Variants in TMEM65 observed in about 807,000 individuals in gnomAD.
The protein encoded by TMEM65 is transmembrane protein 65.
A neutral mutation model predicts 25.4 loss-of-function variants in TMEM65; 22 were observed. That is an observed-to-expected ratio of 0.86 (90% CI 0.62 to 1.23). TMEM65 has a LOEUF of 1.23. TMEM65 is among the 50% of genes most tolerant of loss of function. The pLI is 0.00. For synonymous variants in TMEM65, 132 were observed against 126.2 expected (o/e 1.05, Z -0.31); for missense variants, 262 against 308.2 (o/e 0.85, Z 1.12).
At chr8:124,361,533 A>T (rs966155928) in intron 1 of TMEM65, among the ~76,000 whole-genome samples, 20 of 151,472 alleles carry the variant, frequency 1.3e-4, no homozygotes, top group African/African-American at 2.2e-4. Context: ...CAGAGTGTTT[A>T]AAAAAAAGCA....
Position 124,330,949 on chromosome 8 carries a change from A to C in TMEM65, c.305-157T>G, listed in dbSNP as rs146519709. ...GTTAAGGGACCACATTTGTCCATAC[A>C]GAAAATATTAATCAGTATGGATTAA... On this transcript the variant is annotated intron_variant, in intron 1 of 6. Transcript: ENST00000297632. Among the ~76,000 whole-genome samples, 1,306 of 152,132 alleles carry C rather than the reference A, an allele frequency of 8.6e-3. 18 individuals carry two copies. The highest frequency in any genetic ancestry group is 0.028 in the African/African-American group (1,182 of 41,564).
At chr8:124,334,877 T>TA (rs1366524312) in intron 1 of TMEM65, among the ~76,000 whole-genome samples, 1 of 148,084 alleles carries the variant, frequency 6.8e-6, no homozygotes, top group East Asian at 2.0e-4. Flanking sequence ...GTCAGATCAA[T>TA]AAAAATTATT....
intron 6 of TMEM65, among the ~76,000 whole-genome samples, chr8:124,319,229 T>C (rs1162656902): frequency 1.3e-5 from 2 of 152,142 alleles, no homozygotes; most frequent in African/African-American, 4.8e-5. Flanking sequence ...CCTATTAGTA[T>C]CTCAAATTCA....
intron 1 of TMEM65, among the ~76,000 whole-genome samples, chr8:124,359,252 A>C (rs1202237186): frequency 6.6e-6 from 1 of 152,222 alleles, no homozygotes; most frequent in Non-Finnish European, 1.5e-5. Flanking sequence ...TTTCTGAAGA[A>C]CTGAGTACTC....
chr8:124,365,747 G>T (rs986128052), intron 1 of TMEM65, among the ~76,000 whole-genome samples: 1 of 152,134 alleles, frequency 6.6e-6, no homozygotes, highest in Middle Eastern at 3.2e-3. Context: ...AGGAACCAAG[G>T]AATCCCAAAA....
At position 124,339,248 on chromosome 8, in the gene TMEM65, T is replaced by TATATAA. The variant is rs1489856057; in HGVS notation, c.305-8457_305-8456insTTATAT. Among the ~76,000 whole-genome samples the TATATAA allele has an allele frequency of 3.7e-3, 384 of 104,464 alleles. 16 individuals are homozygous for TATATAA. Among genetic ancestry groups the TATATAA allele is most frequent in the African/African-American group, 0.015 (365 of 23,736 alleles). 68.5% of individuals were successfully genotyped at this position (104,464 alleles called of 152,430 possible). On this transcript the variant is annotated intron_variant, in intron 1 of 6. Transcript: ENST00000297632. ...ATATATATATATATATATATATATA[T>TATATAA]AAAATATTCTTGCAACAAGTAGCTG...
intron 1 of TMEM65, among the ~76,000 whole-genome samples, chr8:124,368,918 C>G (rs1402162812): frequency 6.6e-6 from 1 of 152,092 alleles, no homozygotes; most frequent in Non-Finnish European, 1.5e-5. Flanking sequence ...CAATGGATAA[C>G]TAATACAATG....
intron 1 of TMEM65, among the ~76,000 whole-genome samples, chr8:124,367,307 C>G (rs1405765018): frequency 6.6e-6 from 1 of 151,996 alleles, no homozygotes; most frequent in Non-Finnish European, 1.5e-5. Context: ...AACCCCACCT[C>G]TACTAAAAAT....
chr8:124,366,510 C>G (rs948189859), intron 1 of TMEM65, among the ~76,000 whole-genome samples: 2 of 152,142 alleles, frequency 1.3e-5, no homozygotes, highest in African/African-American at 4.8e-5. Flanking sequence ...CAGCATCCAG[C>G]TGAGCCCTGC....
At chr8:124,334,490 G>C (rs1196088474) in intron 1 of TMEM65, among the ~76,000 whole-genome samples, 1 of 152,000 alleles carries the variant, frequency 6.6e-6, no homozygotes, top group African/African-American at 2.4e-5. Context: ...CTGGGGCTGG[G>C]CACGGTGGCT....
intron 1 of TMEM65, among the ~76,000 whole-genome samples, chr8:124,350,232 T>C (rs1403881751): frequency 6.6e-6 from 1 of 151,986 alleles, no homozygotes; most frequent in Non-Finnish European, 1.5e-5. Flanking sequence ...CCTGACATTA[T>C]ACATACAGTC....
chr8:124,318,336 T>G (rs1355531359), intron 6 of TMEM65, among the ~76,000 whole-genome samples: 2 of 150,492 alleles, frequency 1.3e-5, no homozygotes, highest in Non-Finnish European at 1.5e-5. Flanking sequence ...AACAAATATA[T>G]GTTGTTTTAA....
At chr8:124,361,199 C>G (rs1283880310) in intron 1 of TMEM65, among the ~76,000 whole-genome samples, 3 of 148,328 alleles carry the variant, frequency 2.0e-5, no homozygotes, top group Non-Finnish European at 4.5e-5. Context: ...TTTGGGAGGC[C>G]GAGGCGGGTA....
intron 6 of TMEM65, among the ~76,000 whole-genome samples, chr8:124,318,800 G>A (rs1383437338): frequency 2.0e-5 from 3 of 152,078 alleles, no homozygotes; most frequent in Non-Finnish European, 2.9e-5. Context: ...ACTCTCCTAT[G>A]AAATCTCATC....
chr8:124,335,028 A>G (rs972781043), intron 1 of TMEM65, among the ~76,000 whole-genome samples: 4 of 152,118 alleles, frequency 2.6e-5, no homozygotes, highest in African/African-American at 9.7e-5. Context: ...AACTAGGAAC[A>G]AAAACTCTTT....
At chr8:124,319,984 C>T in intron 6 of TMEM65, 102 bp downstream of exon 6, 1 of 825,542 alleles carries the variant, frequency 1.2e-6, no homozygotes, top group South Asian at 2.4e-5. Flanking sequence ...TTAAAAACTC[C>T]ATTCAAACCA....
chr8:124,335,529 G>C (rs1484815038), intron 1 of TMEM65, among the ~76,000 whole-genome samples: 1 of 152,088 alleles, frequency 6.6e-6, no homozygotes, highest in Non-Finnish European at 1.5e-5. Context: ...GTCTTATAGT[G>C]TTTATAAAAT....
At chr8:124,332,455 T>C (rs1366587239) in intron 1 of TMEM65, among the ~76,000 whole-genome samples, 2 of 151,978 alleles carry the variant, frequency 1.3e-5, no homozygotes, top group Admixed American at 6.6e-5. Context: ...GAGTAAAACA[T>C]TAAAAATATT....
At chr8:124,360,309 A>G (rs1563599345) in intron 1 of TMEM65, among the ~76,000 whole-genome samples, 1 of 151,646 alleles carries the variant, frequency 6.6e-6, no homozygotes, top group Non-Finnish European at 1.5e-5. Flanking sequence ...GCGCGCCTGC[A>G]GCCCCAGCTA....
Sources: gnomAD v4.1 joint callset for allele counts (sites outside exome capture counted in the v4.1 genomes callset) on GRCh38, gnomAD v4.1.1 for gene constraint, MANE v1.5 for transcripts, NCBI Gene and HGNC (gene_info 2026-07-23, HGNC 2026-07-21) for gene names.